The following CDK14 variants were observed in gnomAD, a reference collection of about 807,000 sequenced individuals.
CDK14 encodes the protein cyclin dependent kinase 14, also known as cyclin-dependent kinase 14.
In CDK14, 34 loss-of-function variants were observed where a neutral mutation model predicts 60.7. That is an observed-to-expected ratio of 0.56 (90% CI 0.43 to 0.75). The LOEUF is 0.75. CDK14 is among the 30% of genes least tolerant of loss of function. CDK14 has a pLI of 0.00. For synonymous variants in CDK14, 197 were observed against 203.7 expected (o/e 0.97, Z 0.28); for missense variants, 482 against 564.1 (o/e 0.85, Z 1.47).
intron 2 of CDK14, among the ~76,000 whole-genome samples, chr7:90,691,673 A>G (rs1801555555): frequency 6.6e-6 from 1 of 152,134 alleles, no homozygotes; most frequent in South Asian, 2.1e-4. Flanking sequence ...AGCTATTCTG[A>G]GAAGAAGACA....
intron 10 of CDK14, among the ~76,000 whole-genome samples, chr7:90,994,319 T>C (rs976962157): frequency 2.6e-5 from 4 of 152,166 alleles, no homozygotes; most frequent in African/African-American, 9.7e-5. Flanking sequence ...TGGACTTCCT[T>C]ATATCATGGT....
intron 8 of CDK14, among the ~76,000 whole-genome samples, chr7:90,943,429 A>G (rs1034542886): frequency 6.6e-6 from 1 of 152,182 alleles, no homozygotes; most frequent in African/African-American, 2.4e-5. Flanking sequence ...ATGTAATATA[A>G]AAGTTTAGAG....
chr7:90,699,481 C>T (rs978958093), intron 2 of CDK14, among the ~76,000 whole-genome samples: 7 of 152,268 alleles, frequency 4.6e-5, no homozygotes, highest in African/African-American at 1.7e-4. Flanking sequence ...GGTACCTTGC[C>T]CAAGGCTTGG....
intron 3 of CDK14, 132 bp downstream of exon 3, chr7:90,726,944 T>C: frequency 9.2e-7 from 1 of 1,083,588 alleles, no homozygotes; most frequent in South Asian, 1.6e-5. Context: ...GGTGGTTGAA[T>C]GTTTTGGAAG....
chr7:90,859,202 C>T (rs1028788510), intron 5 of CDK14, among the ~76,000 whole-genome samples: 4 of 152,200 alleles, frequency 2.6e-5, no homozygotes, highest in Admixed American at 2.0e-4. Context: ...TTATTGCCTT[C>T]CCCACCGATC....
chr7:90,643,114 T>C (rs1409571199), intron 2 of CDK14, among the ~76,000 whole-genome samples: 3 of 152,142 alleles, frequency 2.0e-5, no homozygotes, highest in African/African-American at 4.8e-5. Context: ...GGAGGTGATA[T>C]GTATGTACAG....
Position 90,596,591 on chromosome 7 carries a change from C to T in CDK14, c.-37C>T, listed in dbSNP as rs1554416078. ...GCCGTTGTCTGAGCTGTGCCTGGAC[C>T]AGTTTGGGGAAGTTGTCGGGGCTCC... On this transcript the variant is annotated 5_prime_UTR_variant, in exon 1 of 15. Transcript: ENST00000380050. The T allele has an allele frequency of 2.5e-6, 4 of 1,573,558 alleles. No homozygotes were observed. The highest frequency in any genetic ancestry group is 2.6e-6 in the Non-Finnish European group (3 of 1,145,530).
intron 10 of CDK14, among the ~76,000 whole-genome samples, chr7:90,993,640 A>T (rs1795598630): frequency 6.6e-6 from 1 of 152,168 alleles, no homozygotes; most frequent in African/African-American, 2.4e-5. Context: ...TGGCACAGTG[A>T]TGTGCATATG....
chr7:90,949,565 A>C (rs537398990), intron 8 of CDK14, among the ~76,000 whole-genome samples: 1 of 152,200 alleles, frequency 6.6e-6, no homozygotes, highest in Non-Finnish European at 1.5e-5. Flanking sequence ...GGCATAATTT[A>C]TTGAACTTAA....
rs188491187 is a variant in CDK14, at chr7:91,168,742, T to C, written c.*29-38423T>C. Among the ~76,000 whole-genome samples, 3 of 152,356 alleles carry C rather than the reference T, an allele frequency of 2.0e-5. No individual in the cohort carries two copies. In the East Asian group the frequency reaches 5.8e-4, roughly 29 times the overall value. On this transcript the variant is annotated intron_variant, in intron 14 of 14. Transcript: ENST00000380050. ...ACCTCTCAACATTTTAAAAGTCTTTTCTCATTTAGGAATTCATTTTTTATT... is the reference window on the plus strand; with the variant it reads ...ACCTCTCAACATTTTAAAAGTCTTTCCTCATTTAGGAATTCATTTTTTATT...
chr7:91,167,634 C>T (rs1319469097), intron 14 of CDK14, among the ~76,000 whole-genome samples: 1 of 152,098 alleles, frequency 6.6e-6, no homozygotes, highest in Admixed American at 6.5e-5. Flanking sequence ...ATTTTGGATC[C>T]CAAATGATCC....
At chr7:90,649,028 C>G (rs1454203250) in intron 2 of CDK14, among the ~76,000 whole-genome samples, 1 of 152,114 alleles carries the variant, frequency 6.6e-6, no homozygotes, top group African/African-American at 2.4e-5. Flanking sequence ...GTGGTTTCAA[C>G]TTCAACCTCT....
chr7:90,933,728 A>T (rs1793664972), intron 8 of CDK14, among the ~76,000 whole-genome samples: 1 of 152,216 alleles, frequency 6.6e-6, no homozygotes, highest in South Asian at 2.1e-4. Context: ...AAGGACAGAG[A>T]CAGGGCTCAG....
intron 2 of CDK14, among the ~76,000 whole-genome samples, chr7:90,652,725 C>T (rs1481760292): frequency 1.3e-5 from 2 of 152,152 alleles, no homozygotes; most frequent in African/African-American, 2.4e-5. Flanking sequence ...TTAATTCTTA[C>T]AATTCTGAAA....
At chr7:91,206,093 C>T (rs577683330) in intron 14 of CDK14, among the ~76,000 whole-genome samples, 1 of 152,316 alleles carries the variant, frequency 6.6e-6, no homozygotes, top group Non-Finnish European at 1.5e-5. Context: ...CGTGCCCGGC[C>T]ACTATTTTAA....
chr7:90,873,049 T>A (rs1262321956), intron 6 of CDK14, among the ~76,000 whole-genome samples: 1 of 152,170 alleles, frequency 6.6e-6, no homozygotes, highest in Non-Finnish European at 1.5e-5. Flanking sequence ...ATGTTAATTT[T>A]TTTTAAAAAT....
intron 6 of CDK14, among the ~76,000 whole-genome samples, chr7:90,871,121 C>T (rs1249350724): frequency 1.3e-5 from 2 of 151,992 alleles, no homozygotes; most frequent in African/African-American, 4.8e-5. Flanking sequence ...TTATTAATGA[C>T]TCAGATAGTG....
intron 2 of CDK14, among the ~76,000 whole-genome samples, chr7:90,649,436 T>TTTCTTTCTTTCC (rs1800575962): frequency 1.5e-5 from 2 of 134,688 alleles, no homozygotes; most frequent in African/African-American, 2.8e-5. Flanking sequence ...TTTCTTTCTC[T>TTTCTTTCTTTCC]TTCCTTCCTT....
chr7:90,733,696 G>A (rs774571706), intron 3 of CDK14, among the ~76,000 whole-genome samples: 1 of 152,166 alleles, frequency 6.6e-6, no homozygotes, highest in Non-Finnish European at 1.5e-5. Flanking sequence ...TTGAGTGTAT[G>A]TGTGTCTTTG....
Sources: gnomAD v4.1 joint callset for allele counts (sites outside exome capture counted in the v4.1 genomes callset) on GRCh38, gnomAD v4.1.1 for gene constraint, MANE v1.5 for transcripts, NCBI Gene and HGNC (gene_info 2026-07-23, HGNC 2026-07-21) for gene names.